Variants in PDE9A observed in about 807,000 individuals in gnomAD.
PDE9A encodes high affinity cGMP-specific 3',5'-cyclic phosphodiesterase 9A.
In PDE9A, 60 loss-of-function variants were observed where a neutral mutation model predicts 87.4. The ratio of observed to expected loss-of-function variants is 0.69; its 90% CI spans 0.56 to 0.85. PDE9A has a LOEUF of 0.85. Among genes scored for constraint, PDE9A ranks in the 40% least tolerant of loss-of-function variants. PDE9A has a pLI of 0.00. For missense variants in PDE9A, 665 were observed against 779.0 expected (o/e 0.85, Z 1.74); for synonymous variants, 272 against 279.4 (o/e 0.97, Z 0.27).
At chr21:42,662,056 G>A (rs894625175) in intron 1 of PDE9A, among the ~76,000 whole-genome samples, 4 of 152,186 alleles carry the variant, frequency 2.6e-5, no homozygotes, top group Non-Finnish European at 4.4e-5. Context: ...TGTGAAGTGG[G>A]GGGAAGTTTT....
At position 42,686,175 on chromosome 21, in the gene PDE9A, G is replaced by T. The variant is rs755492260; in HGVS notation, c.70-17G>T. ...CCGCCGCCCTCGCTGCCGCCTCACC[G>T]CGCTTCTGTTTTGCAGGTAATCTTC... On this transcript the variant is annotated splice_polypyrimidine_tract_variant and intron_variant, in intron 1 of 19. Coordinates refer to ENST00000291539, the MANE Select transcript of PDE9A (RefSeq NM_002606.3). 61 of 1,611,132 alleles carry T rather than the reference G, an allele frequency of 3.8e-5. No homozygotes were observed. The highest frequency in any genetic ancestry group is 5.0e-5 in the Non-Finnish European group (59 of 1,177,436).
intron 10 of PDE9A, among the ~76,000 whole-genome samples, chr21:42,755,780 C>T (rs894196394): frequency 5.3e-5 from 8 of 152,208 alleles, no homozygotes; most frequent in African/African-American, 1.9e-4. Context: ...GGGCAACCGC[C>T]GCACCTCAGC....
rs549095828 is a variant in PDE9A at position 42,706,212 on chromosome 21, G to A, written c.262+7201G>A. Among the ~76,000 whole-genome samples, 16 of 152,348 alleles carry A rather than the reference G, an allele frequency of 1.1e-4. No individual in the cohort carries two copies. In the East Asian group the frequency reaches 2.1e-3, roughly 20 times the overall value. On this transcript the variant is annotated intron_variant, in intron 4 of 19. Transcript: ENST00000291539. ...GTCCAGCCGCAGTCCAGATGCAGAT[G>A]CGCTGTAACTGTAGAACACACAGCA...
chr21:42,710,097 C>A (rs34017643), intron 4 of PDE9A, among the ~76,000 whole-genome samples: 26,568 of 152,052 alleles, frequency 0.17, 2,562 homozygotes, highest in East Asian at 0.35. Context: ...TTAAGACTTA[C>A]TTGTTAAGTG....
At chr21:42,753,879 G>T in intron 9 of PDE9A, 111 bp from the exon 10 acceptor site, 12 of 480,226 alleles carry the variant, frequency 2.5e-5, no homozygotes, top group Non-Finnish European at 4.3e-5. Flanking sequence ...AAAAAAAAAA[G>T]AAAGAAAGAA....
Position 42,687,042 on chromosome 21 carries a change from A to C in PDE9A, c.140+780A>C, listed in dbSNP as rs1277239115. On this transcript the variant is annotated intron_variant, in intron 2 of 19. Coordinates refer to ENST00000291539, the MANE Select transcript of PDE9A (RefSeq NM_002606.3). Reference sequence around the variant, plus strand: ...TGCCTTATCGAGTCCTCAGAGTCCCACAGGAGTTAATGTCCTAAATCAACA... The same window carrying C: ...TGCCTTATCGAGTCCTCAGAGTCCCCCAGGAGTTAATGTCCTAAATCAACA... Among the ~76,000 whole-genome samples the C allele has an allele frequency of 2.0e-5, 3 of 152,208 alleles. No individual in the cohort carries two copies. In the East Asian group the frequency reaches 5.8e-4, roughly 29 times the overall value.
chr21:42,670,293 T>TCA (rs540427240), intron 1 of PDE9A, among the ~76,000 whole-genome samples: 2 of 143,922 alleles, frequency 1.4e-5, no homozygotes. Flanking sequence ...ACATACACAT[T>TCA]CACACACATA....
rs532835869 is a variant in PDE9A, at chr21:42,752,014, G to A, written c.735+817G>A. Reference sequence around the variant, plus strand: ...GATCCGCCTGCCTCGGCCTCCCAAAGTGCTGAGCCACCGCACCCGGCCCGG... The same window carrying A: ...GATCCGCCTGCCTCGGCCTCCCAAAATGCTGAGCCACCGCACCCGGCCCGG... On this transcript the variant is annotated intron_variant, in intron 9 of 19. Coordinates refer to ENST00000291539, the MANE Select transcript of PDE9A (RefSeq NM_002606.3). 2.0e-3 allele frequency among the ~76,000 whole-genome samples: 294 copies of A among 150,292 alleles called. 1 individual carries two copies. Among genetic ancestry groups the A allele is most frequent in the Middle Eastern group, 3.8e-3 (1 of 266 alleles).
chr21:42,683,641 T>C (rs992495661), intron 1 of PDE9A, among the ~76,000 whole-genome samples: 1 of 152,210 alleles, frequency 6.6e-6, no homozygotes, highest in Non-Finnish European at 1.5e-5. Context: ...CTGTTGCCCT[T>C]GGCAAAGCCA....
In PDE9A at chr21:42,760,682, C is replaced by A; in HGVS notation, c.1003-143C>A. The A allele has an allele frequency of 1.5e-6, 1 of 666,726 alleles. No individual in the cohort carries two copies. The highest frequency in any genetic ancestry group is 1.7e-5 in the South Asian group (1 of 58,852). 41.3% of individuals were successfully genotyped at this position (666,726 alleles called of 1,614,324 possible). On this transcript the variant is annotated intron_variant, in intron 12 of 19. Coordinates refer to ENST00000291539, the MANE Select transcript of PDE9A (RefSeq NM_002606.3). This position sits in a 1 kb window ranked among gnomAD's most constrained non-coding sequence, Gnocchi z 5.2. Reference sequence around the variant, plus strand: ...CCCCAACCCCCACAGGCAGGCCGATCCTCTCCCACCATGCCAGGAGATGCC... The same window carrying A: ...CCCCAACCCCCACAGGCAGGCCGATACTCTCCCACCATGCCAGGAGATGCC...
intron 8 of PDE9A, among the ~76,000 whole-genome samples, chr21:42,748,932 C>G (rs1210262633): frequency 6.6e-6 from 1 of 152,166 alleles, no homozygotes; most frequent in African/African-American, 2.4e-5. Context: ...CTTTTCATGT[C>G]AAGTTTCCTC....
chr21:42,682,563 G>A (rs951225401), intron 1 of PDE9A, among the ~76,000 whole-genome samples: 4 of 152,192 alleles, frequency 2.6e-5, no homozygotes, highest in African/African-American at 7.2e-5. Context: ...CTAAGGTTAG[G>A]AAGCCAAGCA....
chr21:42,670,588 TAC>T (rs1569119532), intron 1 of PDE9A, among the ~76,000 whole-genome samples: 3 of 150,442 alleles, frequency 2.0e-5, no homozygotes, highest in East Asian at 2.0e-4. Flanking sequence ...CATACACGCA[TAC>T]ACTTACACAT....
At chr21:42,762,482 C>T (rs2055902595) in intron 14 of PDE9A, among the ~76,000 whole-genome samples, 1 of 152,216 alleles carries the variant, frequency 6.6e-6, no homozygotes, top group African/African-American at 2.4e-5. Context: ...GTATTTAATT[C>T]AGCCTTCACT....
At position 42,698,847 on chromosome 21, in the gene PDE9A, A is replaced by G. The variant is rs920626936; in HGVS notation, c.219-121A>G. On this transcript the variant is annotated intron_variant, in intron 3 of 19. Coordinates refer to ENST00000291539, the MANE Select transcript of PDE9A (RefSeq NM_002606.3). ...AAAGAAGCTAATTTAAAAAATAAAA[A>G]TAAATAAAAAGAACCACCTAATCCG... is the stretch of plus-strand genomic sequence containing the variant. The G allele has an allele frequency of 1.0e-5, 6 of 583,754 alleles. No homozygotes were observed. In the Admixed American group the frequency reaches 1.8e-4, roughly 18 times the overall value. 36.2% of individuals were successfully genotyped at this position (583,754 alleles called of 1,614,324 possible). A position where few individuals can be genotyped will look rare whatever the true frequency, so the allele number is the denominator to read the frequency against.
intron 8 of PDE9A, among the ~76,000 whole-genome samples, chr21:42,745,335 A>C (rs1416373651): frequency 6.6e-6 from 1 of 152,188 alleles, no homozygotes; most frequent in Non-Finnish European, 1.5e-5. Flanking sequence ...CCATGCACTC[A>C]TGGGCTCATT....
chr21:42,775,350 C>T lies in PDE9A; in HGVS notation c.*57C>T. On this transcript the variant is annotated 3_prime_UTR_variant, in exon 20 of 20. Transcript: ENST00000291539. ...CGGGCTGGCCGAGCTGCGCGGGATC[C>T]TTGTGCAGGGAAGAGCTGCCCTGGG... 2.5e-6 allele frequency: 4 copies of T among 1,574,628 alleles called. No homozygotes were observed. The highest frequency in any genetic ancestry group is 3.5e-6 in the Non-Finnish European group (4 of 1,153,960).
Position 42,760,799 on chromosome 21 carries a change from C to T in PDE9A, c.1003-26C>T, listed in dbSNP as rs764106684. ...CCACCCTCCGAGTGAAGAGAGCAAA[C>T]ACCTACGCCCTGTTTTCCAATCCAG... is the stretch of plus-strand genomic sequence containing the variant. On this transcript the variant is annotated intron_variant, in intron 12 of 19. Transcript: ENST00000291539. This position sits in a 1 kb window ranked among gnomAD's most constrained non-coding sequence, Gnocchi z 5.2. 7.5e-7 allele frequency: 1 copy of T among 1,325,300 alleles called. No homozygotes were observed. 82.1% of individuals were successfully genotyped at this position (1,325,300 alleles called of 1,614,324 possible). A position where few individuals can be genotyped will look rare whatever the true frequency, so the allele number is the denominator to read the frequency against.
intron 4 of PDE9A, among the ~76,000 whole-genome samples, chr21:42,726,613 TATATA>T (rs1232288060): frequency 2.8e-4 from 8 of 28,472 alleles, no homozygotes; most frequent in African/African-American, 1.3e-3. Context: ...TATATATATA[TATATA>T]TATATATTTT....
Sources: allele counts gnomAD v4.1 joint callset (sites outside exome capture counted in the v4.1 genomes callset), GRCh38; gene constraint gnomAD v4.1.1; non-coding constraint Gnocchi (gnomAD v3.1); transcripts MANE v1.5; gene names NCBI Gene and HGNC (gene_info 2026-07-23, HGNC 2026-07-21).